The following MAML3 variants were observed in gnomAD, a reference collection of about 807,000 sequenced individuals.
MAML3 encodes mastermind like transcriptional coactivator 3.
MAML3 carries 27 observed loss-of-function variants against 101.9 expected under a neutral mutation model. The observed-to-expected ratio is 0.27, with a 90% CI of 0.20 to 0.37. The LOEUF is 0.37. MAML3 is among the 10% of genes least tolerant of loss of function. The pLI, the probability that MAML3 is intolerant of heterozygous loss-of-function variation, is 1.00. For missense variants in MAML3, 1,316 were observed against 1,444.9 expected, an observed-to-expected ratio of 0.91 and a Z score of 1.45; for synonymous variants, 501 against 555.9, an observed-to-expected ratio of 0.90 and a Z score of 1.39.
intron 2 of MAML3, among the ~76,000 whole-genome samples, chr4:139,756,129 A>G (rs1317569566): frequency 1.3e-5 from 2 of 152,230 alleles, no homozygotes; most frequent in African/African-American, 2.4e-5. Flanking sequence ...CTGCAGGAGT[A>G]TAAGAACAGC....
intron 1 of MAML3, among the ~76,000 whole-genome samples, chr4:140,141,017 A>G (rs745440706): frequency 1.3e-5 from 2 of 152,232 alleles, no homozygotes; most frequent in East Asian, 3.8e-4. Context: ...AAACACGGCT[A>G]TTTAGAAAAT....
At chr4:139,777,775 G>A (rs371613721) in intron 2 of MAML3, among the ~76,000 whole-genome samples, 1 of 152,206 alleles carries the variant, frequency 6.6e-6, no homozygotes, top group Non-Finnish European at 1.5e-5. Flanking sequence ...CTTAAAACTC[G>A]CACTTTTGAC....
At chr4:139,754,531 C>T (rs1729603238) in intron 2 of MAML3, among the ~76,000 whole-genome samples, 1 of 152,180 alleles carries the variant, frequency 6.6e-6, no homozygotes, top group Non-Finnish European at 1.5e-5. Context: ...TCAATTTTCA[C>T]TACTTTATGC....
rs1429828949 is a variant in MAML3 at position 139,919,312 on chromosome 4, T to C, written c.469-28345A>G. Among the ~76,000 whole-genome samples, 5 of 152,254 alleles carry C rather than the reference T, an allele frequency of 3.3e-5. No individual in the cohort carries two copies. The South Asian group carries it at 6.2e-4, about 19-fold the overall frequency. ...TCCTTGATTTTCTGATATTTCACTT[T>C]AAAGTTTTATTCATGGCAAATGCCT... is the stretch of plus-strand genomic sequence containing the variant. On this transcript the variant is annotated intron_variant, in intron 1 of 4. Coordinates refer to ENST00000509479, the MANE Select transcript of MAML3 (RefSeq NM_018717.5).
At chr4:139,775,618 G>A (rs571462229) in intron 2 of MAML3, among the ~76,000 whole-genome samples, 2 of 152,276 alleles carry the variant, frequency 1.3e-5, no homozygotes, top group South Asian at 2.1e-4. Flanking sequence ...ATAGGGGGCA[G>A]TTTGCAGCAG....
chr4:139,846,539 G>A (rs1731451821), intron 2 of MAML3, among the ~76,000 whole-genome samples: 2 of 152,048 alleles, frequency 1.3e-5, no homozygotes. Context: ...GCAGAGACGG[G>A]GTTCTGCCAT....
chr4:140,084,733 T>A (rs974133335), intron 1 of MAML3, among the ~76,000 whole-genome samples: 2 of 152,144 alleles, frequency 1.3e-5, no homozygotes, highest in African/African-American at 4.8e-5. Flanking sequence ...TTAGCAACTA[T>A]TTTTGGGCCC....
At chr4:139,993,911 G>C (rs1480965084) in intron 1 of MAML3, among the ~76,000 whole-genome samples, 1 of 152,120 alleles carries the variant, frequency 6.6e-6, no homozygotes, top group Non-Finnish European at 1.5e-5. Flanking sequence ...TTGTATCTAA[G>C]AATTCTTTGC....
At chr4:139,822,419 T>C (rs1730990739) in intron 2 of MAML3, among the ~76,000 whole-genome samples, 3 of 152,268 alleles carry the variant, frequency 2.0e-5, no homozygotes, top group African/African-American at 7.2e-5. Flanking sequence ...GTATCAGGCC[T>C]CCTGAAATCC....
intron 1 of MAML3, among the ~76,000 whole-genome samples, chr4:140,125,978 A>G (rs541360820): frequency 6.6e-6 from 1 of 152,012 alleles, no homozygotes; most frequent in South Asian, 2.1e-4. Flanking sequence ...GAGTTTCACC[A>G]TGTTGGTCAG....
In MAML3 at chr4:139,872,520, T is replaced by C. The variant is rs1188761882; in HGVS notation, c.2079+16837A>G. On this transcript the variant is annotated intron_variant, in intron 2 of 4. Transcript: ENST00000509479. ...AATACTCAGTAACAGGAAGTTACAG[T>C]GTGACTAACTGTAACCAGGTTGTGA... Among the ~76,000 whole-genome samples, 4 of 152,062 alleles carry C rather than the reference T, an allele frequency of 2.6e-5. No individual in the cohort carries two copies. In the East Asian group the frequency reaches 7.7e-4, roughly 29 times the overall value.
At chr4:139,759,918 A>G (rs1311569596) in intron 2 of MAML3, among the ~76,000 whole-genome samples, 1 of 152,258 alleles carries the variant, frequency 6.6e-6, no homozygotes, top group Non-Finnish European at 1.5e-5. Flanking sequence ...GATTTCTGAA[A>G]ATATGTAAAA....
chr4:139,981,242 G>T (rs563301090), intron 1 of MAML3, among the ~76,000 whole-genome samples: 1 of 152,098 alleles, frequency 6.6e-6, no homozygotes, highest in African/African-American at 2.4e-5. Flanking sequence ...CAGACACCCC[G>T]GTGTTTCTTT....
chr4:139,763,342 A>T (rs536853461), intron 2 of MAML3, among the ~76,000 whole-genome samples: 36 of 152,286 alleles, frequency 2.4e-4, no homozygotes, highest in African/African-American at 8.7e-4. Context: ...GCTGAAGAGG[A>T]GTCTGGATTC....
chr4:139,804,050 G>A (rs933685595), intron 2 of MAML3, among the ~76,000 whole-genome samples: 2 of 152,130 alleles, frequency 1.3e-5, no homozygotes, highest in Non-Finnish European at 2.9e-5. Flanking sequence ...TTCCTGCCTT[G>A]GCTCTGCCCC....
At chr4:139,813,667 G>T (rs867585883) in intron 2 of MAML3, among the ~76,000 whole-genome samples, 1 of 152,060 alleles carries the variant, frequency 6.6e-6, no homozygotes, top group Non-Finnish European at 1.5e-5. Flanking sequence ...CTGAAATGGG[G>T]ACTAAACCAA....
intron 1 of MAML3, among the ~76,000 whole-genome samples, chr4:140,112,966 TATA>T (rs1401346082): frequency 3.9e-5 from 6 of 152,334 alleles, no homozygotes; most frequent in African/African-American, 9.6e-5. Context: ...GCCTGAAGTC[TATA>T]ATATTTTATC....
intron 2 of MAML3, among the ~76,000 whole-genome samples, chr4:139,752,362 T>C (rs1381066235): frequency 6.6e-6 from 1 of 152,224 alleles, no homozygotes; most frequent in Non-Finnish European, 1.5e-5. Flanking sequence ...GGCCTGGGAC[T>C]AGGCTCCTAT....
rs1224908392 is a variant in MAML3, at chr4:139,730,518, G to A, written c.2229C>T (p.Leu743=). 1.9e-6 allele frequency: 3 copies of A among 1,561,768 alleles called. No individual in the cohort carries two copies. The highest frequency in any genetic ancestry group is 1.9e-5 in the Admixed American group (1 of 51,718). ...QPQAAIMKQM[L]IDQRAQLIEQ... ...CTATCAACTGGGCCCGCTGATCAAT[G>A]AGCATCTGCTTCATGATGGCTGCTT... is the stretch of plus-strand genomic sequence containing the variant. The change falls in exon 3 of 5, where the codon CTC becomes CTT. Residue 743 remains leucine (L), a synonymous_variant. Transcript: ENST00000509479.
Sources: allele counts gnomAD v4.1 joint callset (sites outside exome capture counted in the v4.1 genomes callset), GRCh38; gene constraint gnomAD v4.1.1; transcripts MANE v1.5; gene names NCBI Gene and HGNC (gene_info 2026-07-23, HGNC 2026-07-21).